Variants in C1orf54 observed in about 807,000 individuals in gnomAD.
C1orf54 encodes the protein uncharacterized protein C1orf54.
C1orf54 carries 12 observed loss-of-function variants against 14.7 expected under a neutral mutation model. The observed-to-expected ratio is 0.82, with a 90% CI of 0.52 to 1.32. The LOEUF (loss-of-function observed/expected upper bound fraction) is 1.32. Ranked by LOEUF, C1orf54 falls within the 40% of genes most tolerant of loss-of-function variation. C1orf54 has a pLI of 0.00. For synonymous variants in C1orf54, 65 were observed against 56.3 expected (o/e 1.16, Z -0.70); for missense variants, 163 against 162.2 (o/e 1.00, Z -0.03).
chr1:150,272,695 T>C (rs967589746), upstream of C1orf54: 1 of 979,188 alleles, frequency 1.0e-6, no homozygotes, highest in Non-Finnish European at 1.6e-6. Context: ...TTCTGCCCCC[T>C]GGGAGGAGAA....
intron 1 of C1orf54, 135 bp downstream of exon 1, chr1:150,272,998 G>A (rs781960919): frequency 1.1e-4 from 104 of 979,030 alleles, no homozygotes; most frequent in Non-Finnish European, 1.3e-4. Flanking sequence ...GCTGGGGTCC[G>A]GTGTTGAGGG....
rs781938664 is a variant in C1orf54, at chr1:150,276,490, ACT to A, written c.190-29_190-28del. ...AAGATGTTGGATGGAAAAACTGATA[ACT>A]CTGTGTTTCCCAAATCCTACTGAGG... On this transcript the variant is annotated intron_variant, in intron 3 of 5. Coordinates refer to ENST00000369099, the MANE Select transcript of C1orf54 (RefSeq NM_024579.4). 3.9e-5 allele frequency: 60 copies of A among 1,544,818 alleles called. 1 individual carries two copies. Among genetic ancestry groups the A allele is most frequent in the Admixed American group, 1.7e-5 (1 of 59,722 alleles).
chr1:150,272,715 C>T, upstream of C1orf54: 2 of 1,200,576 alleles, frequency 1.7e-6, no homozygotes, highest in East Asian at 4.7e-5. Flanking sequence ...AGAGTTGCTG[C>T]AGCTCCTTCC....
In C1orf54 at chr1:150,279,711, T is replaced by C. The variant is rs1553853126; in HGVS notation, c.369T>C (p.Phe123=). 1 of 1,613,110 alleles carries C rather than the reference T, an allele frequency of 6.2e-7. No individual in the cohort carries two copies. The highest frequency in any genetic ancestry group is 1.3e-5 in the African/African-American group (1 of 75,000). The change falls in exon 5 of 6, where the codon TTT becomes TTC. Residue 123 remains phenylalanine, a synonymous_variant. Transcript: ENST00000369099. The part of the protein sequence containing the change: ...SPIPLLLSCA[F]VQVGMYFM ...TTCCCCTCCTCCTGTCGTGTGCCTT[T>C]GTTCAGGTGGGGATGTATTTCATGT...
At position 150,280,836 on chromosome 1, in the gene C1orf54, T is replaced by A; in HGVS notation, c.*5T>A. ...TTCTTTCTTTCTCTGCTTTTTTAGG[T>A]GGAAGAAGGCTGCTATGACTCTTTG... On this transcript the variant is annotated splice_region_variant and 3_prime_UTR_variant, in exon 6 of 6. Transcript: ENST00000369099. The A allele has an allele frequency of 6.5e-7, 1 of 1,550,020 alleles. No individual in the cohort carries two copies. Among genetic ancestry groups the A allele is most frequent in the Non-Finnish European group, 8.7e-7 (1 of 1,146,778 alleles).
At chr1:150,277,696 G>A (rs1217729153) in intron 4 of C1orf54, among the ~76,000 whole-genome samples, 4 of 152,026 alleles carry the variant, frequency 2.6e-5, no homozygotes, top group East Asian at 1.9e-4. Context: ...TGGCAACATA[G>A]GGGCAAATTT....
intron 5 of C1orf54, among the ~76,000 whole-genome samples, chr1:150,280,326 G>A (rs1553853182): frequency 6.6e-6 from 1 of 152,244 alleles, no homozygotes; most frequent in Non-Finnish European, 1.5e-5. Flanking sequence ...CTTTTGTGAT[G>A]AGTCATTACT....
chr1:150,272,968 C>A, intron 1 of C1orf54, 105 bp downstream of exon 1: 4 of 1,274,018 alleles, frequency 3.1e-6, no homozygotes, highest in Non-Finnish European at 4.5e-6. Context: ...CAGTGGGGAG[C>A]GATAGAGTTT....
At chr1:150,269,895 G>A (rs1276458146), upstream of C1orf54, among the ~76,000 whole-genome samples, 1 of 152,130 alleles carries the variant, frequency 6.6e-6, no homozygotes, top group East Asian at 1.9e-4. Context: ...AAATTAGCCA[G>A]ATGTGGTGGC....
upstream of C1orf54, chr1:150,268,991 C>T: frequency 3.5e-6 from 2 of 564,428 alleles, no homozygotes; most frequent in Non-Finnish European, 6.4e-6. Flanking sequence ...AAGGTCCGCG[C>T]CACTTCCTCT....
rs35306203 is a variant in C1orf54 at position 150,272,864 on chromosome 1, G to GT, written c.46+2dup. On this transcript the variant is annotated splice_donor_variant, in intron 1 of 5. Coordinates refer to ENST00000369099, the MANE Select transcript of C1orf54 (RefSeq NM_024579.4). LOFTEE classifies it high-confidence loss of function. Reference sequence around the variant, plus strand: ...ATCTTTGCTGTGCCACTTATCCTGGGTAAGTCCACTCCTCTCTCTGAGCTT... The same window carrying GT: ...ATCTTTGCTGTGCCACTTATCCTGGGTTAAGTCCACTCCTCTCTCTGAGCTT... 1 of 1,614,002 alleles carries GT rather than the reference G, an allele frequency of 6.2e-7. No individual in the cohort carries two copies. Among genetic ancestry groups the GT allele is most frequent in the South Asian group, 1.1e-5 (1 of 91,078 alleles).
At chr1:150,280,757 CAT>C in intron 5 of C1orf54, 76 bp from the exon 6 acceptor site, 1 of 1,163,682 alleles carries the variant, frequency 8.6e-7, no homozygotes, top group Admixed American at 2.1e-5. Context: ...GGGGAGTTTC[CAT>C]AGAGTGTGGG....
Position 150,274,073 on chromosome 1 carries a change from C to A in C1orf54, c.47-14C>A. On this transcript the variant is annotated splice_polypyrimidine_tract_variant and intron_variant, in intron 1 of 5. Transcript: ENST00000369099. ...TTCCAGATGTCCCTTGACCTCTAGT[C>A]CTTGTCCCCATAGGACAAGAATATG... is the stretch of plus-strand genomic sequence containing the variant. 6.3e-7 allele frequency: 1 copy of A among 1,585,510 alleles called. No homozygotes were observed. The highest frequency in any genetic ancestry group is 1.1e-5 in the South Asian group (1 of 90,394).
intron 4 of C1orf54, among the ~76,000 whole-genome samples, chr1:150,279,046 G>A (rs376413932): frequency 2.0e-5 from 3 of 152,298 alleles, no homozygotes; most frequent in East Asian, 3.9e-4. Context: ...TGAGGTGGGC[G>A]GATCACCTGA....
chr1:150,279,879 G>C (rs925767824), intron 5 of C1orf54, 138 bp downstream of exon 5: 6 of 762,662 alleles, frequency 7.9e-6, no homozygotes, highest in African/African-American at 1.8e-5. Flanking sequence ...TGAAGGAAGA[G>C]ATTTAGGCTC....
chr1:150,270,670 T>C (rs374700806), upstream of C1orf54, among the ~76,000 whole-genome samples: 2 of 148,660 alleles, frequency 1.3e-5, no homozygotes, highest in Non-Finnish European at 3.0e-5. Flanking sequence ...AATATTTACA[T>C]GGAAAGTCAC....
At position 150,275,248 on chromosome 1, in the gene C1orf54, C is replaced by T. The variant is rs139492044; in HGVS notation, c.131-493C>T. Among the ~76,000 whole-genome samples the T allele has an allele frequency of 4.3e-3, 652 of 152,058 alleles. 5 individuals are homozygous for T. Among genetic ancestry groups the T allele is most frequent in the African/African-American group, 0.015 (613 of 41,486 alleles). On this transcript the variant is annotated intron_variant, in intron 2 of 5. Coordinates refer to ENST00000369099, the MANE Select transcript of C1orf54 (RefSeq NM_024579.4). ...AGACAAGGTGTCACCATGTTGGCCA[C>T]GCTGGTCTTGAACTCCTGATCTCGT...
intron 1 of C1orf54, among the ~76,000 whole-genome samples, chr1:150,273,649 C>G (rs1652389735): frequency 6.6e-6 from 1 of 152,160 alleles, no homozygotes; most frequent in Non-Finnish European, 1.5e-5. Flanking sequence ...AAGCTCAAAT[C>G]CAAAGCCTAA....
chr1:150,268,934 C>A (rs1165288710), upstream of C1orf54: 4 of 765,382 alleles, frequency 5.2e-6, no homozygotes, highest in East Asian at 8.2e-5. Flanking sequence ...GCAATGTCAC[C>A]CCCAGACCCC....
Sources: allele counts gnomAD v4.1 joint callset (sites outside exome capture counted in the v4.1 genomes callset), GRCh38; gene constraint gnomAD v4.1.1; transcripts MANE v1.5; gene names NCBI Gene and HGNC (gene_info 2026-07-23, HGNC 2026-07-21).